HOMER2: variants seen among roughly 807,000 people sequenced by gnomAD.
HOMER2 encodes homer scaffold protein 2, also known as homer protein homolog 2.
A neutral mutation model predicts 47.0 loss-of-function variants in HOMER2; 27 were observed. The ratio of observed to expected loss-of-function variants is 0.57; its 90% confidence interval spans 0.42 to 0.79. The LOEUF is 0.79. HOMER2 is among the 30% of genes least tolerant of loss of function. HOMER2 has a pLI of 0.00. For missense variants in HOMER2, 443 were observed against 435.0 expected, an observed-to-expected ratio of 1.02 and a Z score of -0.16; for synonymous variants, 161 against 163.8, an observed-to-expected ratio of 0.98 and a Z score of 0.13.
upstream of HOMER2, among the ~76,000 whole-genome samples, chr15:82,955,148 A>G (rs919871418): frequency 4.1e-5 from 6 of 145,282 alleles, no homozygotes; most frequent in African/African-American, 1.3e-4. Context: ...TAATCTACGT[A>G]TTTTTACTTT....
upstream of HOMER2, among the ~76,000 whole-genome samples, chr15:82,957,644 A>G (rs2054597759): frequency 6.6e-6 from 1 of 152,112 alleles, no homozygotes; most frequent in Non-Finnish European, 1.5e-5. Context: ...TCTCTTTAAG[A>G]TGACACCAGA....
At chr15:82,857,848 G>A in intron 5 of HOMER2, among the ~76,000 whole-genome samples, 1 of 152,164 alleles carries the variant, frequency 6.6e-6, no homozygotes, top group East Asian at 1.9e-4. Context: ...GTGCTCATGG[G>A]ACCGCCCTAA....
chr15:82,893,896 G>A (rs2151102710), intron 1 of HOMER2, among the ~76,000 whole-genome samples: 1 of 152,212 alleles, frequency 6.6e-6, no homozygotes, highest in Middle Eastern at 3.4e-3. Context: ...CAAAGTGCTG[G>A]GATATAATCC....
chr15:82,889,501 C>T (rs1359323111), intron 2 of HOMER2, among the ~76,000 whole-genome samples: 1 of 152,172 alleles, frequency 6.6e-6, no homozygotes, highest in Admixed American at 6.5e-5. Context: ...AGACAAGAGC[C>T]CATAAGGAGA....
In HOMER2 at chr15:82,858,970, G is replaced by A. The variant is rs541550437; in HGVS notation, c.494+59C>T. The A allele has an allele frequency of 1.2e-5, 19 of 1,557,132 alleles. No homozygotes were observed. In the African/African-American group the frequency reaches 2.2e-4, roughly 18 times the overall value. On this transcript the variant is annotated intron_variant, in intron 5 of 8. Transcript: ENST00000450735. ...CCTGAAACCCTGTCCAGCAAGAAAGGCTTCTAGGGAAGTGCTGAAGGTGGA... is the reference window on the plus strand; with the variant it reads ...CCTGAAACCCTGTCCAGCAAGAAAGACTTCTAGGGAAGTGCTGAAGGTGGA...
chr15:82,857,391 C>G (rs2051620542), intron 5 of HOMER2, among the ~76,000 whole-genome samples: 1 of 148,512 alleles, frequency 6.7e-6, no homozygotes, highest in South Asian at 2.1e-4. Context: ...TTATAGCAGC[C>G]TGAGCTAAGA....
At chr15:82,937,278 T>A (rs1026703768) in intron 1 of HOMER2, among the ~76,000 whole-genome samples, 2 of 152,240 alleles carry the variant, frequency 1.3e-5, no homozygotes, top group African/African-American at 4.8e-5. Context: ...CACCTTCAGC[T>A]TTCCCCTTCT....
In HOMER2 at chr15:82,854,834, G is replaced by A. The variant is rs754355367; in HGVS notation, c.495-34C>T. The A allele has an allele frequency of 1.9e-5, 30 of 1,594,266 alleles. No homozygotes were observed. The Admixed American group carries it at 3.7e-4, about 20-fold the overall frequency. ...CAGGGACGGGCGGTGACGACGGGGTGGGTGCTGTCCCGTCTGGCTCCGCCC... is the reference window on the plus strand; with the variant it reads ...CAGGGACGGGCGGTGACGACGGGGTAGGTGCTGTCCCGTCTGGCTCCGCCC... On this transcript the variant is annotated intron_variant, in intron 5 of 8. Transcript: ENST00000450735.
At chr15:82,967,603 C>T (rs937638513) in intron 1 of HOMER2, among the ~76,000 whole-genome samples, 5 of 152,118 alleles carry the variant, frequency 3.3e-5, no homozygotes, top group African/African-American at 1.2e-4. Flanking sequence ...AGGCCAGGCA[C>T]GGGGGCTCAT....
chr15:82,930,119 TA>T (rs2053969877), intron 1 of HOMER2, among the ~76,000 whole-genome samples: 1 of 152,214 alleles, frequency 6.6e-6, no homozygotes, highest in Non-Finnish European at 1.5e-5. Flanking sequence ...CATGGAACTA[TA>T]AAAGTCTCAC....
At chr15:82,841,956 T>A (rs2051180222) in exon 2 of HOMER2, 2 of 152,354 alleles carry the variant, frequency 1.3e-5, no homozygotes, top group South Asian at 4.1e-4. Context: ...ATGAATATGC[T>A]GTTGACTTTT....
At chr15:82,853,577 G>A (rs892701563) in intron 6 of HOMER2, among the ~76,000 whole-genome samples, 1 of 152,154 alleles carries the variant, frequency 6.6e-6, no homozygotes, top group Non-Finnish European at 1.5e-5. Context: ...ATCTAAATGG[G>A]ACCTGTCCCC....
At chr15:82,868,801 T>G (rs1350491348) in intron 3 of HOMER2, among the ~76,000 whole-genome samples, 1 of 151,404 alleles carries the variant, frequency 6.6e-6, no homozygotes, top group Non-Finnish European at 1.5e-5. Context: ...TTCGCCTGTC[T>G]TGGCCTCCCA....
intron 2 of HOMER2, among the ~76,000 whole-genome samples, chr15:82,892,276 A>G (rs751655948): frequency 1.3e-5 from 2 of 152,196 alleles, no homozygotes; most frequent in Non-Finnish European, 2.9e-5. Context: ...AAGAGCCATA[A>G]AGTGTTAATA....
intron 1 of HOMER2, among the ~76,000 whole-genome samples, chr15:82,925,483 G>A (rs1372670834): frequency 2.0e-5 from 3 of 152,194 alleles, no homozygotes; most frequent in Non-Finnish European, 2.9e-5. Flanking sequence ...AGGGTGGCAT[G>A]CATAAAATGA....
intron 1 of HOMER2, among the ~76,000 whole-genome samples, chr15:82,914,534 C>G (rs1164459828): frequency 6.6e-6 from 1 of 151,950 alleles, no homozygotes; most frequent in Admixed American, 6.6e-5. Context: ...GAAAGTAGAA[C>G]AGTGATTACC....
chr15:82,955,474 T>A (rs186134185), upstream of HOMER2, among the ~76,000 whole-genome samples: 1 of 152,304 alleles, frequency 6.6e-6, no homozygotes. Context: ...CGGCCTGTAT[T>A]TTTACTTTCA....
chr15:82,906,976 C>G (rs1212184617), intron 1 of HOMER2, among the ~76,000 whole-genome samples: 3 of 152,184 alleles, frequency 2.0e-5, no homozygotes, highest in African/African-American at 7.2e-5. Context: ...TGTCAAAATA[C>G]ATGCCAAAAC....
At chr15:82,874,064 G>A (rs1297198571) in intron 3 of HOMER2, among the ~76,000 whole-genome samples, 2 of 152,184 alleles carry the variant, frequency 1.3e-5, no homozygotes, top group African/African-American at 4.8e-5. Flanking sequence ...GTCTGTTCTA[G>A]GCAACTCTGT....
Sources: allele counts gnomAD v4.1 joint callset (sites outside exome capture counted in the v4.1 genomes callset), GRCh38; gene constraint gnomAD v4.1.1; transcripts MANE v1.5; gene names NCBI Gene and HGNC (gene_info 2026-07-23, HGNC 2026-07-21).